Variants in PTPRN2 observed in about 807,000 individuals in gnomAD.
PTPRN2 encodes receptor-type tyrosine-protein phosphatase N2.
PTPRN2 carries 74 observed loss-of-function variants against 118.8 expected under a neutral mutation model. The ratio of observed to expected loss-of-function variants is 0.62; its 90% CI spans 0.52 to 0.76. The LOEUF is 0.76. PTPRN2 is among the 30% of genes least tolerant of loss of function. The probability of loss-of-function intolerance (pLI) is 0.00; values close to 1 mark genes in which losing one functional copy is unlikely to be tolerated. For missense variants in PTPRN2, 1,481 were observed against 1,394.4 expected (o/e 1.06, Z -0.99); for synonymous variants, 641 against 608.0 (o/e 1.05, Z -0.80).
In PTPRN2 at chr7:157,576,595, G is replaced by A; in HGVS notation, c.2783+18C>T. The A allele has an allele frequency of 6.3e-7, 1 of 1,596,172 alleles. No individual in the cohort carries two copies. Among genetic ancestry groups the A allele is most frequent in the South Asian group, 1.1e-5 (1 of 89,012 alleles). On this transcript the variant is annotated intron_variant, in intron 19 of 22. Transcript: ENST00000389418. ...GCGCTCAGCGCGCACTGCCCTGCCG[G>A]CGGGCCGCGCGTCATACCTGCGGAA...
At chr7:157,588,866 T>A (rs1800824675) in intron 17 of PTPRN2, among the ~76,000 whole-genome samples, 1 of 151,922 alleles carries the variant, frequency 6.6e-6, no homozygotes, top group Non-Finnish European at 1.5e-5. Context: ...ACCAGCTGTG[T>A]GGATCTGGGT....
intron 9 of PTPRN2, among the ~76,000 whole-genome samples, chr7:158,124,780 G>T (rs1817481413): frequency 6.6e-6 from 1 of 152,206 alleles, no homozygotes; most frequent in South Asian, 2.1e-4. Flanking sequence ...TGGTCAGCCT[G>T]GGCCACGCTG....
At chr7:157,836,976 C>T (rs1407387496) in intron 12 of PTPRN2, among the ~76,000 whole-genome samples, 2 of 148,970 alleles carry the variant, frequency 1.3e-5, no homozygotes, top group African/African-American at 2.5e-5. Context: ...CCTGTCCACA[C>T]GTCTGCCCTT....
chr7:158,234,317 A>G (rs531110490), intron 3 of PTPRN2, among the ~76,000 whole-genome samples: 1 of 152,326 alleles, frequency 6.6e-6, no homozygotes, highest in Non-Finnish European at 1.5e-5. Context: ...AAAGATCTGA[A>G]TAGACATTTT....
At chr7:157,927,891 G>A (rs1381342776) in intron 11 of PTPRN2, among the ~76,000 whole-genome samples, 2 of 152,078 alleles carry the variant, frequency 1.3e-5, no homozygotes, top group African/African-American at 4.8e-5. Flanking sequence ...TACAATTCAC[G>A]CTTGTGGGCA....
chr7:158,114,854 C>G (rs1816597745), intron 9 of PTPRN2, among the ~76,000 whole-genome samples: 1 of 152,148 alleles, frequency 6.6e-6, no homozygotes, highest in Non-Finnish European at 1.5e-5. Flanking sequence ...GGGATGGAAA[C>G]AGCAAGCAAA....
chr7:158,453,004 T>G (rs1653282597), intron 2 of PTPRN2, among the ~76,000 whole-genome samples: 1 of 152,254 alleles, frequency 6.6e-6, no homozygotes, highest in Non-Finnish European at 1.5e-5. Flanking sequence ...GCTGCAGGGC[T>G]GGGCATGATG....
chr7:157,737,742 C>T (rs1333015163), intron 12 of PTPRN2, among the ~76,000 whole-genome samples: 1 of 152,256 alleles, frequency 6.6e-6, no homozygotes, highest in East Asian at 1.9e-4. Flanking sequence ...TTTACAGCAT[C>T]GTGGGTGCCG....
intron 10 of PTPRN2, among the ~76,000 whole-genome samples, chr7:158,092,484 G>A (rs117030848): frequency 6.6e-6 from 1 of 151,872 alleles, no homozygotes; most frequent in African/African-American, 2.4e-5. Context: ...TTGGTGGATA[G>A]AGATATGTAT....
chr7:158,559,127 A>G (rs540539290), intron 1 of PTPRN2, among the ~76,000 whole-genome samples: 65 of 152,224 alleles, frequency 4.3e-4, no homozygotes, highest in Non-Finnish European at 8.1e-4. Context: ...GAATTCTTCC[A>G]GTGCTTGGAG....
chr7:157,766,553 C>G (rs143541890), intron 12 of PTPRN2, among the ~76,000 whole-genome samples: 1 of 152,340 alleles, frequency 6.6e-6, no homozygotes, highest in Non-Finnish European at 1.5e-5. Flanking sequence ...TCAGAAAAAG[C>G]TATTCTCAGA....
intron 12 of PTPRN2, among the ~76,000 whole-genome samples, chr7:157,838,880 T>G: frequency 1.2e-5 from 1 of 84,916 alleles, no homozygotes; most frequent in Non-Finnish European, 2.1e-5. Context: ...AGAAAGCTCC[T>G]CTCCGCCGTG....
At chr7:157,761,264 G>T (rs1489152357) in intron 12 of PTPRN2, among the ~76,000 whole-genome samples, 58 of 151,350 alleles carry the variant, frequency 3.8e-4, no homozygotes, top group African/African-American at 1.4e-3. Context: ...AAGTTCATAT[G>T]GAATCAAAAA....
chr7:157,896,181 A>T (rs933799499), intron 12 of PTPRN2, among the ~76,000 whole-genome samples: 1 of 149,854 alleles, frequency 6.7e-6, no homozygotes, highest in South Asian at 2.1e-4. Context: ...AGCTGGGAAG[A>T]TGAAACCCAG....
intron 5 of PTPRN2, among the ~76,000 whole-genome samples, chr7:158,171,348 T>TATATATATATATAC (rs1554571717): frequency 1.1e-4 from 10 of 89,978 alleles, no homozygotes; most frequent in South Asian, 3.6e-4. Flanking sequence ...TATATATATA[T>TATATATATATATAC]ACACACACAC....
intron 1 of PTPRN2, among the ~76,000 whole-genome samples, chr7:158,542,651 T>A (rs1373289835): frequency 6.6e-6 from 1 of 152,232 alleles, no homozygotes; most frequent in Non-Finnish European, 1.5e-5. Context: ...GTGAGCTCCC[T>A]CTCTGTCAAA....
At chr7:157,633,584 C>T (rs1804101690) in intron 14 of PTPRN2, among the ~76,000 whole-genome samples, 1 of 152,170 alleles carries the variant, frequency 6.6e-6, no homozygotes, top group Admixed American at 6.5e-5. Context: ...ACGGGGTGCA[C>T]CTGGGATGGC....
intron 2 of PTPRN2, among the ~76,000 whole-genome samples, chr7:158,409,416 C>T (rs1306557770): frequency 6.6e-6 from 1 of 152,170 alleles, no homozygotes; most frequent in Non-Finnish European, 1.5e-5. Context: ...AGGACCTACC[C>T]AGGCATGAGC....
At position 158,576,765 on chromosome 7, in the gene PTPRN2, A is replaced by G. The variant is rs113537767; in HGVS notation, c.112+10793T>C. ...ACACTGAGAGCTCCCAAACACCACAAACAGCATGGGGCCTACACAACACTG... is the reference window on the plus strand; with the variant it reads ...ACACTGAGAGCTCCCAAACACCACAGACAGCATGGGGCCTACACAACACTG... On this transcript the variant is annotated intron_variant, in intron 1 of 22. Transcript: ENST00000389418. Among the ~76,000 whole-genome samples, 992 of 147,560 alleles carry G rather than the reference A, an allele frequency of 6.7e-3. 9 individuals carry two copies. The highest frequency in any genetic ancestry group is 0.024 in the African/African-American group (943 of 39,798).
Sources: allele counts gnomAD v4.1 joint callset (sites outside exome capture counted in the v4.1 genomes callset), GRCh38; gene constraint gnomAD v4.1.1; transcripts MANE v1.5; gene names NCBI Gene and HGNC (gene_info 2026-07-23, HGNC 2026-07-21).